The following AGAP3 variants were observed in gnomAD, a reference collection of about 807,000 sequenced individuals.
The protein encoded by AGAP3 is arf-GAP with GTPase, ANK repeat and PH domain-containing protein 3.
In AGAP3, 24 loss-of-function variants were observed where a neutral mutation model predicts 96.9. That is an observed-to-expected ratio of 0.25 (90% CI 0.18 to 0.35). AGAP3 has a LOEUF of 0.35. AGAP3 is among the 10% of genes least tolerant of loss of function. The pLI is 1.00. For missense variants in AGAP3, 876 were observed against 1,254.2 expected, an observed-to-expected ratio of 0.70 and a Z score of 4.55; for synonymous variants, 563 against 536.1, an observed-to-expected ratio of 1.05 and a Z score of -0.69.
chr7:151,104,516 T>C (rs1189817546), intron 1 of AGAP3, among the ~76,000 whole-genome samples: 1 of 151,888 alleles, frequency 6.6e-6, no homozygotes, highest in Non-Finnish European at 1.5e-5. Flanking sequence ...TCAAGACAAA[T>C]GAAAGAAGAG....
chr7:151,137,346 C>G (rs964489909), intron 11 of AGAP3, among the ~76,000 whole-genome samples: 22 of 152,228 alleles, frequency 1.4e-4, no homozygotes, highest in Admixed American at 5.2e-4. Context: ...GTTCGGCCCC[C>G]GTGTTCTTAG....
chr7:151,142,675 A>C lies in AGAP3; in HGVS notation c.2273+41A>C. 1 of 1,582,942 alleles carries C rather than the reference A, an allele frequency of 6.3e-7. No individual in the cohort carries two copies. The highest frequency in any genetic ancestry group is 8.6e-7 in the Non-Finnish European group (1 of 1,160,820). ...CCTGGAGCTGGCCAGGAATGGGGGA[A>C]GCGTTGGGGGCTCCCAGCATGGGGA... On this transcript the variant is annotated intron_variant, in intron 16 of 17. Transcript: ENST00000397238. The surrounding 1 kb of genome is among the most constrained non-coding windows in gnomAD (Gnocchi z 7.5).
chr7:151,123,303 C>A, intron 8 of AGAP3: 1 of 1,038,810 alleles, frequency 9.6e-7, no homozygotes. Flanking sequence ...GGTGCAGGGC[C>A]TCTTCTGGCC....
At chr7:151,120,914 A>C in intron 8 of AGAP3, 1 of 992,332 alleles carries the variant, frequency 1.0e-6, no homozygotes, top group Non-Finnish European at 1.2e-6. Flanking sequence ...TCCAAACCCT[A>C]ATCCTCCAGC....
In AGAP3 at chr7:151,143,446, G is replaced by C; in HGVS notation, c.2379G>C (p.Val793=). Residue 793 remains valine, a synonymous_variant, in exon 17 of 18, where the codon GTG becomes GTC. Coordinates refer to ENST00000397238, the MANE Select transcript of AGAP3 (RefSeq NM_031946.7). The surrounding 1 kb of genome is among the most constrained non-coding windows in gnomAD (Gnocchi z 5.9). ...TGGGGCAGCAGCTGCTCCGGGCCGT[G>C]GTGGAAGATGACCTGCGGCTGTTGG... ...VPLGQQLLRA[V]VEDDLRLLVM... The C allele has an allele frequency of 6.2e-7, 1 of 1,614,208 alleles. No homozygotes were observed. The highest frequency in any genetic ancestry group is 1.1e-5 in the South Asian group (1 of 91,086).
intron 8 of AGAP3, chr7:151,120,602 T>G: frequency 7.7e-7 from 1 of 1,291,914 alleles, no homozygotes; most frequent in Non-Finnish European, 1.0e-6. Flanking sequence ...AGCCCAGGCC[T>G]CCCCGTCGCC....
intron 11 of AGAP3, among the ~76,000 whole-genome samples, chr7:151,137,037 C>T (rs1294547013): frequency 6.6e-6 from 1 of 152,250 alleles, no homozygotes; most frequent in African/African-American, 2.4e-5. Flanking sequence ...GGTGTTGTGA[C>T]AGATACAAGA....
chr7:151,137,973 G>C (rs1800666656), intron 11 of AGAP3, 170 bp from the exon 12 acceptor site: 1 of 602,986 alleles, frequency 1.7e-6, no homozygotes, highest in Admixed American at 2.9e-5. Flanking sequence ...AAGGCACACA[G>C]GGTCCCTGCG....
chr7:151,097,030 C>T (rs896522632), intron 1 of AGAP3, among the ~76,000 whole-genome samples: 12 of 151,902 alleles, frequency 7.9e-5, no homozygotes, highest in African/African-American at 2.9e-4. Context: ...GGTGATCTGC[C>T]TACGTTGGCC....
chr7:151,094,301 T>C (rs982002029), intron 1 of AGAP3, among the ~76,000 whole-genome samples: 1 of 152,132 alleles, frequency 6.6e-6, no homozygotes, highest in African/African-American at 2.4e-5. Context: ...GTCTCGTTAT[T>C]GCTTTTGGAC....
intron 11 of AGAP3, 132 bp from the exon 12 acceptor site, chr7:151,138,011 C>T: frequency 2.7e-6 from 2 of 737,732 alleles, no homozygotes. Context: ...AGAAGCTGGC[C>T]CGCCACCTGA....
chr7:151,123,379 C>T (rs1800008859), intron 8 of AGAP3: 8 of 1,064,798 alleles, frequency 7.5e-6, no homozygotes, highest in Non-Finnish European at 9.1e-6. Flanking sequence ...TGCCACGTGC[C>T]GTGTGGTGTC....
intron 1 of AGAP3, among the ~76,000 whole-genome samples, chr7:151,088,319 C>G (rs1798242221): frequency 6.6e-6 from 1 of 152,244 alleles, no homozygotes; most frequent in Non-Finnish European, 1.5e-5. Context: ...TTTTCCCAAC[C>G]CGTTCTTATT....
At chr7:151,112,396 C>CGTATGTGTGTGTGT (rs372118031) in intron 1 of AGAP3, among the ~76,000 whole-genome samples, 4 of 139,848 alleles carry the variant, frequency 2.9e-5, no homozygotes, top group African/African-American at 1.0e-4. Context: ...TTCCCCGAGA[C>CGTATGTGTGTGTGT]GTGTGTGTGT....
intron 8 of AGAP3, chr7:151,120,671 C>G (rs1012428686): frequency 1.3e-5 from 16 of 1,270,456 alleles, no homozygotes; most frequent in Non-Finnish European, 1.6e-5. Context: ...TTCCACCCAC[C>G]GCTGTGATTG....
chr7:151,136,636 TG>T (rs1800606377), intron 11 of AGAP3: 1 of 152,092 alleles, frequency 6.6e-6, no homozygotes, highest in Non-Finnish European at 1.5e-5. Context: ...ACACTGATTG[TG>T]GGATTGCAGG....
chr7:151,138,541 T>C (rs1164892694), intron 12 of AGAP3, among the ~76,000 whole-genome samples: 2 of 152,306 alleles, frequency 1.3e-5, no homozygotes, highest in South Asian at 2.1e-4. Flanking sequence ...CCAGCCTCCA[T>C]GTGCAGCCCT....
chr7:151,134,710 A>C, intron 11 of AGAP3, 142 bp downstream of exon 11: 1 of 884,050 alleles, frequency 1.1e-6, no homozygotes, highest in African/African-American at 1.7e-5. Flanking sequence ...AGCCAAAGAC[A>C]TGTGCCCTAA....
chr7:151,123,221 C>T (rs1470207263), intron 8 of AGAP3: 3 of 1,077,210 alleles, frequency 2.8e-6, no homozygotes, highest in Non-Finnish European at 2.2e-6. Context: ...GCTTGCCTTG[C>T]CCCCTCTTTT....
Sources: allele counts gnomAD v4.1 joint callset (sites outside exome capture counted in the v4.1 genomes callset), GRCh38; gene constraint gnomAD v4.1.1; non-coding constraint Gnocchi (gnomAD v3.1); transcripts MANE v1.5; gene names NCBI Gene and HGNC (gene_info 2026-07-23, HGNC 2026-07-21).